Variants in DLG1 observed in about 807,000 individuals in gnomAD.
DLG1 encodes the protein discs large MAGUK scaffold protein 1.
A neutral mutation model predicts 123.4 loss-of-function variants in DLG1; 42 were observed. The observed-to-expected ratio is 0.34, with a 90% confidence interval of 0.27 to 0.44. DLG1 has a LOEUF of 0.44. Among genes scored for constraint, DLG1 ranks in the 20% least tolerant of loss-of-function variants. The probability of loss-of-function intolerance (pLI) is 1.00; values close to 1 mark genes in which losing one functional copy is unlikely to be tolerated. For synonymous variants in DLG1, 317 were observed against 356.2 expected (o/e 0.89, Z 1.24); for missense variants, 942 against 1,082.6 (o/e 0.87, Z 1.82).
intron 18 of DLG1, among the ~76,000 whole-genome samples, chr3:197,071,884 G>A (rs1261141215): frequency 6.6e-6 from 1 of 152,138 alleles, no homozygotes; most frequent in African/African-American, 2.4e-5. Flanking sequence ...TAGCTACTAA[G>A]GCTGGACAAA....
chr3:197,235,000 A>G (rs984078526), intron 4 of DLG1, among the ~76,000 whole-genome samples: 2 of 152,222 alleles, frequency 1.3e-5, no homozygotes, highest in Admixed American at 1.3e-4. Flanking sequence ...TCAGGCCATG[A>G]AGAAGTTAAC....
chr3:197,100,535 A>G lies in DLG1; in HGVS notation c.1546+4368T>C, dbSNP rs1390333839. 1.1e-4 allele frequency among the ~76,000 whole-genome samples: 17 copies of G among 152,236 alleles called. 1 individual carries two copies. Among genetic ancestry groups the G allele is most frequent in the Non-Finnish European group, 1.6e-4 (11 of 68,052 alleles). On this transcript the variant is annotated intron_variant, in intron 14 of 24. Coordinates refer to ENST00000667157, the MANE Select transcript of DLG1 (RefSeq NM_001366207.1). ...TTTATTTCTTTTATGGTATTATTAC[A>G]ATATAATTAATGCTTTCTGAACAAA... is the stretch of plus-strand genomic sequence containing the variant.
intron 4 of DLG1, among the ~76,000 whole-genome samples, chr3:197,258,962 T>C (rs1287933283): frequency 6.6e-6 from 1 of 152,202 alleles, no homozygotes; most frequent in Non-Finnish European, 1.5e-5. Context: ...TGATTACATC[T>C]AATTTTTTAA....
intron 23 of DLG1, among the ~76,000 whole-genome samples, chr3:197,055,192 T>G (rs1234261764): frequency 6.6e-6 from 1 of 152,176 alleles, no homozygotes; most frequent in African/African-American, 2.4e-5. Flanking sequence ...GTTCAAGTGA[T>G]CCTCTCGTCT....
chr3:197,277,484 G>A (rs1312469200), intron 4 of DLG1, among the ~76,000 whole-genome samples: 1 of 152,044 alleles, frequency 6.6e-6, no homozygotes, highest in African/African-American at 2.4e-5. Context: ...GGAACCACAG[G>A]CACGCACCAC....
At chr3:197,136,892 A>T (rs1047766964) in intron 9 of DLG1, among the ~76,000 whole-genome samples, 30 of 152,232 alleles carry the variant, frequency 2.0e-4, no homozygotes, top group African/African-American at 7.0e-4. Flanking sequence ...CTTTTATCCC[A>T]CATGTTCCTT....
intron 5 of DLG1, among the ~76,000 whole-genome samples, chr3:197,185,589 G>A (rs1014805114): frequency 3.1e-4 from 47 of 152,116 alleles, no homozygotes; most frequent in Admixed American, 7.9e-4. Flanking sequence ...AGGAAAAAAT[G>A]AAACCTCCCA....
intron 14 of DLG1, among the ~76,000 whole-genome samples, chr3:197,100,371 A>G (rs1361971970): frequency 1.3e-5 from 2 of 152,178 alleles, no homozygotes; most frequent in Non-Finnish European, 2.9e-5. Context: ...TAACCTCTCT[A>G]GACTCTGGTC....
At chr3:197,161,823 A>G (rs1204410806) in intron 5 of DLG1, 4 of 816,020 alleles carry the variant, frequency 4.9e-6, no homozygotes, top group Admixed American at 7.3e-5. Context: ...ATAAAGATAA[A>G]TTATAGTTTT....
chr3:197,074,505 A>G (rs1048984273), intron 18 of DLG1, among the ~76,000 whole-genome samples: 6 of 152,068 alleles, frequency 3.9e-5, no homozygotes, highest in Admixed American at 1.3e-4. Flanking sequence ...CACTTAACAT[A>G]TAAGAAAAAT....
intron 6 of DLG1, among the ~76,000 whole-genome samples, chr3:197,146,464 G>T (rs1205927493): frequency 6.6e-6 from 1 of 152,114 alleles, no homozygotes; most frequent in East Asian, 1.9e-4. Flanking sequence ...CACACAGAAT[G>T]AAGCAGAATA....
chr3:197,276,600 G>A (rs531534390), intron 4 of DLG1, among the ~76,000 whole-genome samples: 2 of 152,198 alleles, frequency 1.3e-5, no homozygotes, highest in South Asian at 4.1e-4. Context: ...TATTGAACAC[G>A]GGCCTTTTTC....
intron 5 of DLG1, among the ~76,000 whole-genome samples, chr3:197,164,670 G>A (rs1221470351): frequency 1.3e-5 from 2 of 151,386 alleles, no homozygotes; most frequent in African/African-American, 2.4e-5. Context: ...CGGAGGACGC[G>A]GCAGGCAGAT....
rs71162001 is a variant in DLG1 at position 197,196,171 on chromosome 3, C to CAAAA, written c.319-1586_319-1583dup. Among the ~76,000 whole-genome samples the CAAAA allele has an allele frequency of 1.9e-3, 171 of 88,668 alleles. 1 individual carries two copies. The highest frequency in any genetic ancestry group is 7.8e-3 in the Middle Eastern group (1 of 128). 58.2% of individuals were successfully genotyped at this position (88,668 alleles called of 152,430 possible). ...AAAATGTACGTTTGTAAATGCACAC[C>CAAAA]AAAAAAAAAAAAAAAAAAAAAAAAA... On this transcript the variant is annotated intron_variant, in intron 4 of 24. Coordinates refer to ENST00000667157, the MANE Select transcript of DLG1 (RefSeq NM_001366207.1).
chr3:197,296,734 T>C (rs1777537109), intron 2 of DLG1: 4 of 401,716 alleles, frequency 1.0e-5, no homozygotes, highest in Admixed American at 4.1e-5. Flanking sequence ...AAATGTGTAC[T>C]GGTAGTTTGC....
At chr3:197,046,291 C>T (rs927727859) in intron 24 of DLG1, among the ~76,000 whole-genome samples, 15 of 152,100 alleles carry the variant, frequency 9.9e-5, no homozygotes, top group African/African-American at 3.6e-4. Context: ...AGAAAACAGT[C>T]AGGAACTGAC....
intron 14 of DLG1, among the ~76,000 whole-genome samples, chr3:197,093,563 C>G (rs1246950063): frequency 6.8e-6 from 1 of 146,402 alleles, no homozygotes; most frequent in Admixed American, 6.8e-5. Context: ...GTCATCCACG[C>G]TTTTTTTTTT....
chr3:197,162,430 CTTATAT>C (rs1406025821), intron 5 of DLG1, among the ~76,000 whole-genome samples: 1 of 151,948 alleles, frequency 6.6e-6, no homozygotes, highest in Non-Finnish European at 1.5e-5. Flanking sequence ...AATAAAATAT[CTTATAT>C]ATGTAAGAAA....
chr3:197,169,665 T>G lies in DLG1; in HGVS notation c.484-19869A>C, dbSNP rs951923453. 2.0e-5 allele frequency among the ~76,000 whole-genome samples: 3 copies of G among 152,236 alleles called. No homozygotes were observed. The East Asian group carries it at 5.8e-4, about 29-fold the overall frequency. Reference sequence around the variant, plus strand: ...GACGATAAATGAACATACTATCTGATAGCTAATAATGCTTATATTTTACAT... The same window carrying G: ...GACGATAAATGAACATACTATCTGAGAGCTAATAATGCTTATATTTTACAT... On this transcript the variant is annotated intron_variant, in intron 5 of 24. Coordinates refer to ENST00000667157, the MANE Select transcript of DLG1 (RefSeq NM_001366207.1).
Sources: gnomAD v4.1 joint callset for allele counts (sites outside exome capture counted in the v4.1 genomes callset) on GRCh38, gnomAD v4.1.1 for gene constraint, MANE v1.5 for transcripts, NCBI Gene and HGNC (gene_info 2026-07-23, HGNC 2026-07-21) for gene names.